Variants in CLPB observed in about 807,000 individuals in gnomAD.
The protein encoded by CLPB is mitochondrial disaggregase.
In CLPB, 40 loss-of-function variants were observed where a neutral mutation model predicts 78.4. That is an observed-to-expected ratio of 0.51 (90% CI 0.40 to 0.66). CLPB has a LOEUF of 0.66. Among genes scored for constraint, CLPB ranks in the 30% least tolerant of loss-of-function variants. The pLI is 0.00. For synonymous variants in CLPB, 333 were observed against 348.0 expected (o/e 0.96, Z 0.48); for missense variants, 780 against 886.9 (o/e 0.88, Z 1.53).
intron 2 of CLPB, among the ~76,000 whole-genome samples, chr11:72,406,526 T>G (rs1855715048): frequency 1.3e-5 from 2 of 152,322 alleles, no homozygotes; most frequent in South Asian, 4.1e-4. Context: ...AATCTCTAAG[T>G]TGCAAGATCC....
chr11:72,411,094 T>C (rs1395474154), intron 2 of CLPB, among the ~76,000 whole-genome samples: 20 of 152,252 alleles, frequency 1.3e-4, no homozygotes, highest in Non-Finnish European at 1.5e-5. Flanking sequence ...TAGGCAAGCA[T>C]GTCCTTCTAG....
chr11:72,341,355 G>C (rs970011438), intron 5 of CLPB, among the ~76,000 whole-genome samples: 6 of 152,198 alleles, frequency 3.9e-5, no homozygotes, highest in African/African-American at 1.4e-4. Context: ...AGAGGAGCAA[G>C]AGGAAGAGGG....
intron 2 of CLPB, among the ~76,000 whole-genome samples, chr11:72,422,093 C>G (rs553500113): frequency 6.6e-6 from 1 of 150,944 alleles, no homozygotes; most frequent in African/African-American, 2.4e-5. Flanking sequence ...TGGTGAAACC[C>G]CACCTCTACT....
chr11:72,405,852 T>C (rs1398241630), intron 2 of CLPB, among the ~76,000 whole-genome samples: 2 of 151,512 alleles, frequency 1.3e-5, no homozygotes, highest in Non-Finnish European at 2.9e-5. Context: ...GGTGTGAACC[T>C]GGGAGGCGGA....
At chr11:72,333,152 C>A (rs1345446594) in intron 5 of CLPB, among the ~76,000 whole-genome samples, 1 of 152,156 alleles carries the variant, frequency 6.6e-6, no homozygotes, top group Non-Finnish European at 1.5e-5. Flanking sequence ...TAAAAACCAC[C>A]CCCAGGTTTT....
At chr11:72,326,229 G>C (rs1053739303) in intron 6 of CLPB, among the ~76,000 whole-genome samples, 1 of 152,094 alleles carries the variant, frequency 6.6e-6, no homozygotes, top group Non-Finnish European at 1.5e-5. Flanking sequence ...GTTATGTCTT[G>C]GTAGGAGGGC....
At position 72,293,620 on chromosome 11, in the gene CLPB, C is replaced by A; in HGVS notation, c.1786-5G>T. 6.2e-7 allele frequency: 1 copy of A among 1,607,666 alleles called. No individual in the cohort carries two copies. Among genetic ancestry groups the A allele is most frequent in the Non-Finnish European group, 8.5e-7 (1 of 1,175,214 alleles). ...GTTCACCACACGGCGTTCTACCTGTCGGTGGGGAGGTGAAGTGGTCACTCC... is the reference window on the plus strand; with the variant it reads ...GTTCACCACACGGCGTTCTACCTGTAGGTGGGGAGGTGAAGTGGTCACTCC... On this transcript the variant is annotated splice_polypyrimidine_tract_variant and splice_region_variant and intron_variant, in intron 15 of 15. Transcript: ENST00000538039.
chr11:72,432,166 G>A (rs1864322), intron 1 of CLPB, among the ~76,000 whole-genome samples: 15,326 of 152,056 alleles, frequency 0.1, 1,346 homozygotes, highest in African/African-American at 0.24. Context: ...CTGCTCTGCT[G>A]GCCCCTGCAC....
intron 7 of CLPB, chr11:72,310,843 G>A (rs994763620): frequency 6.6e-6 from 1 of 152,126 alleles, no homozygotes; most frequent in African/African-American, 2.4e-5. Flanking sequence ...CCCACAGAGA[G>A]CTGCACACTG....
At chr11:72,392,868 A>C (rs1460075831) in intron 3 of CLPB, among the ~76,000 whole-genome samples, 1 of 152,212 alleles carries the variant, frequency 6.6e-6, no homozygotes, top group East Asian at 1.9e-4. Context: ...GCTCTCACCC[A>C]ACTGACCATC....
At chr11:72,296,230 G>A (rs1385539648) in intron 11 of CLPB, among the ~76,000 whole-genome samples, 2 of 152,212 alleles carry the variant, frequency 1.3e-5, no homozygotes, top group Non-Finnish European at 2.9e-5. Flanking sequence ...CTGTTCAAAT[G>A]TTCAGAGCTA....
chr11:72,395,343 C>T (rs1385974187), intron 3 of CLPB, among the ~76,000 whole-genome samples: 1 of 152,150 alleles, frequency 6.6e-6, no homozygotes, highest in Non-Finnish European at 1.5e-5. Flanking sequence ...TTCGGTCCAT[C>T]CCATGGCCTT....
intron 11 of CLPB, among the ~76,000 whole-genome samples, chr11:72,297,739 T>C (rs1334245629): frequency 6.7e-6 from 1 of 149,818 alleles, no homozygotes; most frequent in Non-Finnish European, 1.5e-5. Context: ...TGTGTGTGTG[T>C]TCCATACTCA....
At position 72,430,492 on chromosome 11, in the gene CLPB, A is replaced by C. The variant is rs977598589; in HGVS notation, c.404-129T>G. 7.1e-6 allele frequency: 5 copies of C among 703,780 alleles called. No homozygotes were observed. In the African/African-American group the frequency reaches 7.1e-5, roughly 10 times the overall value. 43.6% of individuals were successfully genotyped at this position (703,780 alleles called of 1,614,324 possible). A position where few individuals can be genotyped will look rare whatever the true frequency, so the allele number is the denominator to read the frequency against. ...ACTTTGACAAGCAAACTGATGTCAC[A>C]ATATATAATGAGAAACGAATCATTC... On this transcript the variant is annotated intron_variant, in intron 1 of 15. Transcript: ENST00000538039.
At chr11:72,359,650 C>G (rs532657982) in intron 4 of CLPB, among the ~76,000 whole-genome samples, 12 of 152,022 alleles carry the variant, frequency 7.9e-5, no homozygotes, top group Non-Finnish European at 1.6e-4. Flanking sequence ...GAAAAGGAAC[C>G]AATATCTCAG....
Position 72,302,542 on chromosome 11 carries a change from A to G in CLPB, c.1123-194T>C, listed in dbSNP as rs543608124. On this transcript the variant is annotated intron_variant, in intron 9 of 15. Coordinates refer to ENST00000538039, the MANE Select transcript of CLPB (RefSeq NM_001258392.3). ...TGCACTCATTTCCTACGAGTCCCTC[A>G]TTCTCTTCCTTAAAAGACCCAAATC... The G allele has an allele frequency of 3.3e-5, 19 of 582,898 alleles. No individual in the cohort carries two copies. The African/African-American group carries it at 3.4e-4, about 10-fold the overall frequency. The allele number at this position is 582,898 out of a possible 1,614,324, so 36.1% of individuals were successfully genotyped here. A position where few individuals can be genotyped will look rare whatever the true frequency, so the allele number is the denominator to read the frequency against.
At chr11:72,338,194 T>C (rs894350007) in intron 5 of CLPB, among the ~76,000 whole-genome samples, 1 of 152,142 alleles carries the variant, frequency 6.6e-6, no homozygotes, top group Non-Finnish European at 1.5e-5. Flanking sequence ...GATGAGGATG[T>C]CAGGGGAGTG....
At chr11:72,418,529 A>G (rs949876110) in intron 2 of CLPB, among the ~76,000 whole-genome samples, 5 of 152,196 alleles carry the variant, frequency 3.3e-5, no homozygotes, top group African/African-American at 1.2e-4. Context: ...TCAGACTCCA[A>G]AGTCCTCACC....
In CLPB at chr11:72,291,382, A is replaced by G. The variant is rs1225985824; in HGVS notation, c.*1985T>C. On this transcript the variant is annotated 3_prime_UTR_variant, in exon 16 of 16. Transcript: ENST00000538039. The stretch of plus-strand genomic sequence containing the variant: ...GAGTGCAGTGGCGTGATTTCAGCTC[A>G]CTGCAACCTCCGCCTCCTGGGCTCA... 1.3e-5 allele frequency: 2 copies of G among 152,184 alleles called. No individual in the cohort carries two copies. The highest frequency in any genetic ancestry group is 4.8e-5 in the African/African-American group (2 of 41,440). 9.4% of individuals were successfully genotyped at this position (152,184 alleles called of 1,614,324 possible). A position where few individuals can be genotyped will look rare whatever the true frequency, so the allele number is the denominator to read the frequency against.
Sources: allele counts gnomAD v4.1 joint callset (sites outside exome capture counted in the v4.1 genomes callset), GRCh38; gene constraint gnomAD v4.1.1; transcripts MANE v1.5; gene names NCBI Gene and HGNC (gene_info 2026-07-23, HGNC 2026-07-21).